The following BUB1B variants were observed in gnomAD, a reference collection of about 807,000 sequenced individuals.
BUB1B encodes mitotic checkpoint serine/threonine-protein kinase BUB1 beta.
A neutral mutation model predicts 137.7 loss-of-function variants in BUB1B; 86 were observed. That is an observed-to-expected ratio of 0.62 (90% confidence interval 0.52 to 0.75). BUB1B has a LOEUF of 0.75. Among genes scored for constraint, BUB1B ranks in the 30% least tolerant of loss-of-function variants. BUB1B has a pLI of 0.00. For synonymous variants in BUB1B, 420 were observed against 417.9 expected (o/e 1.00, Z -0.06); for missense variants, 1,130 against 1,236.9 (o/e 0.91, Z 1.30).
At chr15:40,220,413 T>C in intron 22 of BUB1B, 151 bp from the exon 23 acceptor site, 1 of 774,540 alleles carries the variant, frequency 1.3e-6, no homozygotes, top group Non-Finnish European at 2.0e-6. Flanking sequence ...TCCCTGGGCT[T>C]TCAAAGGACT....
At position 40,208,662 on chromosome 15, in the gene BUB1B, G is replaced by C; in HGVS notation, c.2035G>C (p.Ala679Pro). ...LSPIIEDSRE[A>P]THSSGFSGSS... ...CCCAATTATTGAAGACAGTCGTGAA[G>C]CCACACACTCCTCTGGCTTCTCTGG... Residue 679 changes from alanine to proline, a missense_variant, in exon 16 of 23, where the codon GCC (alanine) becomes CCC (proline). Coordinates refer to ENST00000287598, the MANE Select transcript of BUB1B (RefSeq NM_001211.6). The C allele has an allele frequency of 6.2e-7, 1 of 1,613,864 alleles. No individual in the cohort carries two copies. The highest frequency in any genetic ancestry group is 8.5e-7 in the Non-Finnish European group (1 of 1,179,822).
chr15:40,163,946 G>A (rs1214915586), intron 1 of BUB1B, among the ~76,000 whole-genome samples: 5 of 152,192 alleles, frequency 3.3e-5, no homozygotes, highest in Non-Finnish European at 7.3e-5. Context: ...TAGTGCCAAT[G>A]TGTCTCTCTT....
intron 6 of BUB1B, among the ~76,000 whole-genome samples, 157 bp from the exon 7 acceptor site, chr15:40,185,008 T>C (rs905964312): frequency 6.6e-6 from 1 of 152,146 alleles, no homozygotes; most frequent in Non-Finnish European, 1.5e-5. Flanking sequence ...ATTTTTGATT[T>C]ATTAATTTTT....
intron 4 of BUB1B, among the ~76,000 whole-genome samples, chr15:40,172,676 T>A (rs567808441): frequency 2.6e-5 from 4 of 152,186 alleles, no homozygotes; most frequent in Admixed American, 6.5e-5. Context: ...TATGTGAACC[T>A]ATGCAGTTCA....
chr15:40,203,414 G>C (rs942668574), intron 14 of BUB1B, among the ~76,000 whole-genome samples: 1 of 152,260 alleles, frequency 6.6e-6, no homozygotes, highest in African/African-American at 2.4e-5. Context: ...CTGCTAATGG[G>C]TATAGGGTTT....
intron 8 of BUB1B, among the ~76,000 whole-genome samples, chr15:40,191,045 A>C (rs867295426): frequency 1.1e-4 from 17 of 151,984 alleles, no homozygotes; most frequent in Non-Finnish European, 1.9e-4. Flanking sequence ...GTGCCATCAC[A>C]CCCAGGTAAT....
At chr15:40,184,109 A>G (rs1031759769) in intron 6 of BUB1B, among the ~76,000 whole-genome samples, 1 of 152,178 alleles carries the variant, frequency 6.6e-6, no homozygotes, top group African/African-American at 2.4e-5. Flanking sequence ...GGAAGCATCA[A>G]GATTTTCTGA....
At chr15:40,181,154 C>T (rs988104551) in intron 5 of BUB1B, among the ~76,000 whole-genome samples, 2 of 150,544 alleles carry the variant, frequency 1.3e-5, no homozygotes, top group Admixed American at 6.6e-5. Flanking sequence ...TGCAGTGGCA[C>T]GATCTCAGCT....
chr15:40,179,041 C>T (rs545171350), intron 5 of BUB1B, among the ~76,000 whole-genome samples: 6 of 152,118 alleles, frequency 3.9e-5, no homozygotes, highest in African/African-American at 7.2e-5. Context: ...TAGGCAACCA[C>T]TACTCTGCTT....
chr15:40,179,658 T>C (rs2037260659), intron 5 of BUB1B, among the ~76,000 whole-genome samples: 1 of 152,122 alleles, frequency 6.6e-6, no homozygotes, highest in Non-Finnish European at 1.5e-5. Flanking sequence ...ATTTGTTCCA[T>C]GCCTTTTGTT....
intron 6 of BUB1B, among the ~76,000 whole-genome samples, chr15:40,184,714 G>A (rs768279715): frequency 4.6e-5 from 7 of 152,086 alleles, no homozygotes; most frequent in Non-Finnish European, 8.8e-5. Flanking sequence ...TCATGATGAA[G>A]CTTGGTTAAT....
intron 2 of BUB1B, among the ~76,000 whole-genome samples, chr15:40,168,724 A>AG (rs981447005): frequency 2.0e-5 from 3 of 152,160 alleles, no homozygotes; most frequent in Non-Finnish European, 2.9e-5. Flanking sequence ...TTACTTCTCC[A>AG]GGGGTCTCCA....
At position 40,209,794 on chromosome 15, in the gene BUB1B, A is replaced by G. The variant is rs371943548; in HGVS notation, c.2284+19A>G. ...GAATTAGGTAAGTACCATTGAACTC[A>G]TGTCCTCTGGTTCATGACAGTATAC... is the stretch of plus-strand genomic sequence containing the variant. On this transcript the variant is annotated intron_variant, in intron 17 of 22. Transcript: ENST00000287598. The G allele has an allele frequency of 1.2e-6, 2 of 1,613,672 alleles. No homozygotes were observed. Among genetic ancestry groups the G allele is most frequent in the Non-Finnish European group, 1.7e-6 (2 of 1,179,604 alleles).
intron 8 of BUB1B, among the ~76,000 whole-genome samples, chr15:40,190,430 A>G (rs1389876029): frequency 2.6e-5 from 4 of 151,982 alleles, no homozygotes; most frequent in Non-Finnish European, 5.9e-5. Context: ...TGAGCAATAT[A>G]GTGAGACCCC....
At chr15:40,199,796 G>T in intron 10 of BUB1B, 69 bp downstream of exon 10, 1 of 1,220,486 alleles carries the variant, frequency 8.2e-7, no homozygotes, top group Non-Finnish European at 1.2e-6. Context: ...TAAAAATATA[G>T]AAGGTTAAAG....
At chr15:40,213,047 T>C (rs2037733987) in intron 19 of BUB1B, among the ~76,000 whole-genome samples, 1 of 151,830 alleles carries the variant, frequency 6.6e-6, no homozygotes, top group Non-Finnish European at 1.5e-5. Context: ...ATATGAATTC[T>C]CAAAAATGGT....
intron 10 of BUB1B, 199 bp from the exon 11 acceptor site, chr15:40,200,045 G>A (rs1429741716): frequency 4.8e-6 from 3 of 619,642 alleles, no homozygotes. Flanking sequence ...TTTAGTATAT[G>A]CCTGGCACTG....
chr15:40,182,604 T>C (rs1232513988), intron 5 of BUB1B, among the ~76,000 whole-genome samples: 5 of 152,164 alleles, frequency 3.3e-5, no homozygotes, highest in Non-Finnish European at 5.9e-5. Context: ...TCTCAAAGCC[T>C]TTTCTGTGCT....
intron 14 of BUB1B, among the ~76,000 whole-genome samples, chr15:40,204,445 T>C (rs1413482414): frequency 2.6e-5 from 4 of 151,432 alleles, no homozygotes; most frequent in Middle Eastern, 3.4e-3. Flanking sequence ...TTTACCTTTT[T>C]TTTTTTTTAA....
Sources: gnomAD v4.1 joint callset for allele counts (sites outside exome capture counted in the v4.1 genomes callset) on GRCh38, gnomAD v4.1.1 for gene constraint, MANE v1.5 for transcripts, NCBI Gene and HGNC (gene_info 2026-07-23, HGNC 2026-07-21) for gene names.